The following ADAMTS17 variants were observed in gnomAD, a reference collection of about 807,000 sequenced individuals.
ADAMTS17 encodes ADAM metallopeptidase with thrombospondin type 1 motif 17, also known as A disintegrin and metalloproteinase with thrombospondin motifs 17.
A neutral mutation model predicts 141.5 loss-of-function variants in ADAMTS17; 113 were observed. The observed-to-expected ratio is 0.80, with a 90% CI of 0.69 to 0.93. The LOEUF (loss-of-function observed/expected upper bound fraction) is 0.93, where lower values mean the gene tolerates loss of function less well. ADAMTS17 is among the 40% of genes least tolerant of loss of function. The pLI, the probability that ADAMTS17 is intolerant of heterozygous loss-of-function variation, is 0.00. For missense variants in ADAMTS17, 1,659 were observed against 1,517.9 expected (o/e 1.09, Z -1.54); for synonymous variants, 768 against 630.6 (o/e 1.22, Z -3.27).
At chr15:100,021,737 C>G (rs926429626) in intron 18 of ADAMTS17, among the ~76,000 whole-genome samples, 25 of 152,304 alleles carry the variant, frequency 1.6e-4, no homozygotes, top group African/African-American at 5.1e-4. Flanking sequence ...AAAAGAAGTA[C>G]CAGGGTAGAT....
chr15:100,023,941 G>A (rs746772916), intron 18 of ADAMTS17, among the ~76,000 whole-genome samples: 11 of 152,160 alleles, frequency 7.2e-5, no homozygotes, highest in Non-Finnish European at 1.3e-4. Context: ...AAAAAATAGC[G>A]AGAGAACCAA....
chr15:100,119,251 TG>T (rs2141164755), intron 12 of ADAMTS17, among the ~76,000 whole-genome samples: 1 of 152,242 alleles, frequency 6.6e-6, no homozygotes, highest in South Asian at 2.1e-4. Context: ...GCCGCCTGGT[TG>T]GGGGTCCTTT....
At chr15:100,206,926 G>A (rs568475450) in intron 7 of ADAMTS17, among the ~76,000 whole-genome samples, 5 of 152,334 alleles carry the variant, frequency 3.3e-5, no homozygotes, top group South Asian at 4.1e-4. Flanking sequence ...GCCACGAGCG[G>A]AGGCTGCTCA....
At chr15:100,097,438 G>C (rs139555526) in intron 14 of ADAMTS17, among the ~76,000 whole-genome samples, 1 of 152,128 alleles carries the variant, frequency 6.6e-6, no homozygotes, top group Admixed American at 6.5e-5. Flanking sequence ...GCCCCTTCCC[G>C]TGATGCCTGG....
At chr15:100,227,373 T>A (rs1476995402) in intron 7 of ADAMTS17, among the ~76,000 whole-genome samples, 1 of 151,944 alleles carries the variant, frequency 6.6e-6, no homozygotes, top group African/African-American at 2.4e-5. Context: ...ATCCTCCCCA[T>A]TCCACCTCCA....
rs760023197 is a variant in ADAMTS17 at position 99,974,488 on chromosome 15, G to A, written c.3202C>T (p.Gln1068Ter). 1.6e-5 allele frequency: 26 copies of A among 1,614,242 alleles called. No individual in the cohort carries two copies. The highest frequency in any genetic ancestry group is 2.2e-5 in the Non-Finnish European group (26 of 1,180,046). ...CAGCGCTGGTACCACCGCATGTCCTGGCAGAGGTTCTTTTCTCGGATGACC... is the reference window on the plus strand; with the variant it reads ...CAGCGCTGGTACCACCGCATGTCCTAGCAGAGGTTCTTTTCTCGGATGACC... ...CRVIREKNLC[Q>*]DMRWYQRCCQ... Residue 1068 changes from glutamine (Q) to a stop codon, truncating the protein, a stop_gained, in exon 22 of 22, where the codon CAG becomes TAG. Coordinates refer to ENST00000268070, the MANE Select transcript of ADAMTS17 (RefSeq NM_139057.4). LOFTEE classifies it high-confidence loss of function.
intron 15 of ADAMTS17, among the ~76,000 whole-genome samples, chr15:100,056,368 TCC>T (rs2032565874): frequency 6.9e-6 from 1 of 144,864 alleles, no homozygotes; most frequent in African/African-American, 2.6e-5. Context: ...AAGACAGCAG[TCC>T]CCAGGACTGC....
chr15:100,112,951 C>T (rs1257297075), intron 13 of ADAMTS17, among the ~76,000 whole-genome samples: 1 of 152,202 alleles, frequency 6.6e-6, no homozygotes, highest in East Asian at 1.9e-4. Flanking sequence ...TGCTCTCTCT[C>T]TAGGCCAGCA....
At position 100,341,833 on chromosome 15, in the gene ADAMTS17, C is replaced by G. The variant is rs1404647053; in HGVS notation, c.67G>C (p.Asp23His). 3 of 1,551,960 alleles carry G rather than the reference C, an allele frequency of 1.9e-6. No homozygotes were observed. Among genetic ancestry groups the G allele is most frequent in the Non-Finnish European group, 2.6e-6 (3 of 1,147,642 alleles). Residue 23 changes from aspartate to histidine, a missense_variant, in exon 1 of 22, where the codon GAC becomes CAC. Transcript: ENST00000268070. ...GAGGGGGCGCTACCTGTGCCCGGGT[C>G]CAGTCCCCAAACCAGCAGCAGCAGC... is the stretch of plus-strand genomic sequence containing the variant. Reference protein sequence around the residue: ...PVLLLLVWGLDPGTAVGDAAA... With the variant: ...PVLLLLVWGLHPGTAVGDAAA...
At chr15:100,030,012 C>T (rs1019174584) in intron 18 of ADAMTS17, among the ~76,000 whole-genome samples, 2 of 152,212 alleles carry the variant, frequency 1.3e-5, no homozygotes, top group African/African-American at 2.4e-5. Context: ...AGCCACTAGA[C>T]ATATTGGGAA....
chr15:100,082,354 G>A (rs895481036), intron 15 of ADAMTS17, among the ~76,000 whole-genome samples: 2 of 151,398 alleles, frequency 1.3e-5, no homozygotes, highest in Non-Finnish European at 2.9e-5. Flanking sequence ...GTGAGCCACC[G>A]TGCCTGGCCT....
chr15:100,279,117 C>T (rs1317684434), intron 4 of ADAMTS17, among the ~76,000 whole-genome samples: 1 of 152,146 alleles, frequency 6.6e-6, no homozygotes, highest in Non-Finnish European at 1.5e-5. Context: ...GCCACAGCCC[C>T]GCCCAATCCG....
intron 7 of ADAMTS17, among the ~76,000 whole-genome samples, chr15:100,213,385 C>T (rs2041869233): frequency 6.6e-6 from 1 of 152,184 alleles, no homozygotes; most frequent in South Asian, 2.1e-4. Context: ...TGGATACTGA[C>T]AAATCACCAT....
chr15:100,296,892 T>C (rs1430136358), intron 3 of ADAMTS17, among the ~76,000 whole-genome samples: 1 of 152,244 alleles, frequency 6.6e-6, no homozygotes, highest in Non-Finnish European at 1.5e-5. Context: ...CCATGTGTGC[T>C]AGGTACTGCC....
In ADAMTS17 at chr15:100,146,205, T is replaced by C. The variant is rs990215537; in HGVS notation, c.1473+6407A>G. 1.7e-4 allele frequency among the ~76,000 whole-genome samples: 26 copies of C among 152,262 alleles called. 1 individual carries two copies. In the Middle Eastern group the frequency reaches 0.01, roughly 60 times the overall value. On this transcript the variant is annotated intron_variant, in intron 10 of 21. Coordinates refer to ENST00000268070, the MANE Select transcript of ADAMTS17 (RefSeq NM_139057.4). ...AACAAAAATTATTCCACCTTGTATATAGTATAAAAACCGTATAATAGTATA... is the reference window on the plus strand; with the variant it reads ...AACAAAAATTATTCCACCTTGTATACAGTATAAAAACCGTATAATAGTATA...
Position 100,341,970 on chromosome 15 carries a change from C to A in ADAMTS17, c.-71G>T. 4 of 1,517,776 alleles carry A rather than the reference C, an allele frequency of 2.6e-6. No homozygotes were observed. Among genetic ancestry groups the A allele is most frequent in the Non-Finnish European group, 3.6e-6 (4 of 1,121,348 alleles). The allele number at this position is 1,517,776 out of a possible 1,614,324, so 94.0% of individuals were successfully genotyped here. On this transcript the variant is annotated 5_prime_UTR_variant, in exon 1 of 22. Transcript: ENST00000268070. ...GAGCGCGCTAGGCGGCGGCGCCAGCCGGAGTGAAGCCCTCCAGCCTTTGGA... is the reference window on the plus strand; with the variant it reads ...GAGCGCGCTAGGCGGCGGCGCCAGCAGGAGTGAAGCCCTCCAGCCTTTGGA...
At chr15:100,067,520 G>A (rs1183877919) in intron 15 of ADAMTS17, among the ~76,000 whole-genome samples, 1 of 152,086 alleles carries the variant, frequency 6.6e-6, no homozygotes, top group Non-Finnish European at 1.5e-5. Flanking sequence ...TCATAGTTTT[G>A]TGTCAACCTT....
chr15:100,229,919 A>C (rs959422644), intron 7 of ADAMTS17, among the ~76,000 whole-genome samples: 2 of 152,202 alleles, frequency 1.3e-5, no homozygotes, highest in African/African-American at 4.8e-5. Flanking sequence ...CCACACAGTC[A>C]CCTGAGATGA....
At chr15:100,227,404 A>G (rs984711057) in intron 7 of ADAMTS17, among the ~76,000 whole-genome samples, 29 of 152,294 alleles carry the variant, frequency 1.9e-4, no homozygotes, top group African/African-American at 7.0e-4. Context: ...AAGTCATGTC[A>G]ATATGGAGAT....
Sources: gnomAD v4.1 joint callset for allele counts (sites outside exome capture counted in the v4.1 genomes callset) on GRCh38, gnomAD v4.1.1 for gene constraint, MANE v1.5 for transcripts, NCBI Gene and HGNC (gene_info 2026-07-23, HGNC 2026-07-21) for gene names.